The following MALRD1 variants were observed in gnomAD, a reference collection of about 807,000 sequenced individuals.
MALRD1 encodes the protein MAM and LDL-receptor class A domain-containing protein 1.
Under a neutral mutation model 242.1 loss-of-function variants are expected in MALRD1, and 247 were observed. The ratio of observed to expected loss-of-function variants is 1.02; its 90% CI spans 0.92 to 1.13. The LOEUF is 1.13. Ranked by LOEUF, MALRD1 falls within the 50% of genes most tolerant of loss-of-function variation. The pLI, the probability that MALRD1 is intolerant of heterozygous loss-of-function variation, is 0.00. For synonymous variants in MALRD1, 995 were observed against 866.6 expected, an observed-to-expected ratio of 1.15 and a Z score of -2.60; for missense variants, 2,989 against 2,533.1, an observed-to-expected ratio of 1.18 and a Z score of -3.86.
At chr10:19,526,211 C>G (rs1834093617) in intron 31 of MALRD1, among the ~76,000 whole-genome samples, 2 of 151,954 alleles carry the variant, frequency 1.3e-5, no homozygotes, top group South Asian at 4.1e-4. Flanking sequence ...TCTGAGCTTG[C>G]TAGATAAAGA....
chr10:19,675,841 A>G (rs1842116593), intron 36 of MALRD1, among the ~76,000 whole-genome samples: 1 of 152,232 alleles, frequency 6.6e-6, no homozygotes, highest in Non-Finnish European at 1.5e-5. Context: ...AGATTGATAA[A>G]GAAACTGGCA....
chr10:19,073,451 T>G lies in MALRD1; in HGVS notation c.340+6592T>G, dbSNP rs1835220682. Reference sequence around the variant, plus strand: ...TCCAAAAATCTGAAATCCAAAGTGCTCCGAAATTGGAAACTTTTTGAGGGC... The same window carrying G: ...TCCAAAAATCTGAAATCCAAAGTGCGCCGAAATTGGAAACTTTTTGAGGGC... On this transcript the variant is annotated intron_variant, in intron 2 of 39. Coordinates refer to ENST00000454679, the MANE Select transcript of MALRD1 (RefSeq NM_001142308.3). Among the ~76,000 whole-genome samples, 5 of 152,188 alleles carry G rather than the reference T, an allele frequency of 3.3e-5. No individual in the cohort carries two copies. The East Asian group carries it at 5.8e-4, about 18-fold the overall frequency.
intron 28 of MALRD1, among the ~76,000 whole-genome samples, chr10:19,391,981 C>T (rs933950746): frequency 6.6e-5 from 10 of 152,156 alleles, no homozygotes; most frequent in Non-Finnish European, 1.0e-4. Flanking sequence ...ACATGCATGA[C>T]GTTCAAGTCT....
intron 4 of MALRD1, among the ~76,000 whole-genome samples, chr10:19,100,049 C>T (rs575862000): frequency 6.6e-6 from 1 of 152,088 alleles, no homozygotes; most frequent in Non-Finnish European, 1.5e-5. Flanking sequence ...GTGTGAACCA[C>T]CATAATAATA....
In MALRD1 at chr10:19,484,315, TA is replaced by T. The variant is rs1286260523; in HGVS notation, c.5030-7198del. 9.8e-5 allele frequency among the ~76,000 whole-genome samples: 15 copies of T among 152,320 alleles called. No individual in the cohort carries two copies. The East Asian group carries it at 2.7e-3, about 27-fold the overall frequency. On this transcript the variant is annotated intron_variant, in intron 29 of 39. Transcript: ENST00000454679. Reference sequence around the variant, plus strand: ...AAAATAAGAAAAGTTTTCTAGCTACTAAAATGCATTTTAATATTTCTGTTTT... The same window carrying T: ...AAAATAAGAAAAGTTTTCTAGCTACTAAATGCATTTTAATATTTCTGTTTT...
At chr10:19,620,019 A>AATAATAATAATAATAATAAT (rs564333226) in intron 36 of MALRD1, among the ~76,000 whole-genome samples, 34 of 58,514 alleles carry the variant, frequency 5.8e-4, no homozygotes, top group South Asian at 1.7e-3. Context: ...TAATAATAAT[A>AATAATAATAATAATAATAAT]AATAATAATA....
rs35934077 is a variant in MALRD1, at chr10:19,491,622, A to T, written c.5135A>T (p.Asp1712Val). 1 of 1,549,746 alleles carries T rather than the reference A, an allele frequency of 6.5e-7. No homozygotes were observed. The highest frequency in any genetic ancestry group is 2.4e-5 in the East Asian group (1 of 40,888). Residue 1712 changes from aspartate to valine, a missense_variant, in exon 30 of 40, where the codon GAT (aspartate) becomes GTT (valine). Physicochemically the swap from Asp to Val is radical, Grantham distance 152 (BLOSUM62 -3). Coordinates refer to ENST00000454679, the MANE Select transcript of MALRD1 (RefSeq NM_001142308.3). Reference protein sequence around the residue: ...LLCDYKPDCSDRSDEAHCAHY... With the variant: ...LLCDYKPDCSVRSDEAHCAHY... ...TGTGACTATAAGCCAGACTGCTCTG[A>T]TAGGTCTGATGAAGCTCACTGTGGT...
chr10:19,068,631 T>G (rs1244706463), intron 2 of MALRD1, among the ~76,000 whole-genome samples: 1 of 152,162 alleles, frequency 6.6e-6, no homozygotes, highest in Non-Finnish European at 1.5e-5. Context: ...TACAATTGAA[T>G]GTTAACATGT....
At chr10:19,164,412 G>T (rs1384617683) in intron 12 of MALRD1, among the ~76,000 whole-genome samples, 2 of 152,070 alleles carry the variant, frequency 1.3e-5, no homozygotes, top group African/African-American at 4.8e-5. Flanking sequence ...AATGATGAAT[G>T]GGAAAACATT....
At chr10:19,333,672 A>G (rs1843485890) in intron 24 of MALRD1, among the ~76,000 whole-genome samples, 1 of 152,120 alleles carries the variant, frequency 6.6e-6, no homozygotes, top group African/African-American at 2.4e-5. Flanking sequence ...CAATAATGGA[A>G]TTGCTGGGTC....
At chr10:19,530,351 TA>T (rs1234130361) in intron 31 of MALRD1, among the ~76,000 whole-genome samples, 53 of 118,966 alleles carry the variant, frequency 4.5e-4, no homozygotes, top group African/African-American at 1.9e-3. Context: ...TATATAAATA[TA>T]TAATATTTAT....
intron 18 of MALRD1, among the ~76,000 whole-genome samples, chr10:19,255,500 A>G (rs1588790266): frequency 6.6e-6 from 1 of 152,078 alleles, no homozygotes; most frequent in East Asian, 1.9e-4. Flanking sequence ...GGGTTAAAGT[A>G]GGGTTAAACC....
chr10:19,436,173 A>G (rs1834344589), intron 28 of MALRD1, among the ~76,000 whole-genome samples: 1 of 152,154 alleles, frequency 6.6e-6, no homozygotes, highest in African/African-American at 2.4e-5. Context: ...TCCAAAGACC[A>G]CTGGTGCTTT....
At chr10:19,530,043 G>T (rs181139976) in intron 31 of MALRD1, among the ~76,000 whole-genome samples, 1 of 151,690 alleles carries the variant, frequency 6.6e-6, no homozygotes, top group Non-Finnish European at 1.5e-5. Context: ...TTAACAAACC[G>T]ATTCTAAAGA....
intron 9 of MALRD1, among the ~76,000 whole-genome samples, chr10:19,135,013 A>G (rs1406767387): frequency 6.6e-6 from 1 of 152,192 alleles, no homozygotes; most frequent in African/African-American, 2.4e-5. Flanking sequence ...TTATGGGAAA[A>G]GTATGTAGCA....
At position 19,146,497 on chromosome 10, in the gene MALRD1, C is replaced by T. The variant is rs558074878; in HGVS notation, c.1558+153C>T. Among the ~76,000 whole-genome samples, 7 of 152,292 alleles carry T rather than the reference C, an allele frequency of 4.6e-5. No individual in the cohort carries two copies. In the South Asian group the frequency reaches 1.0e-3, roughly 23 times the overall value. ...ACCTCCTGACCAAGTTAATAATTGG[C>T]GGGTAATTGAGTTCCCTGAAAGGAG... On this transcript the variant is annotated intron_variant, in intron 11 of 39. Coordinates refer to ENST00000454679, the MANE Select transcript of MALRD1 (RefSeq NM_001142308.3).
At chr10:19,641,448 G>T (rs1021169728) in intron 36 of MALRD1, among the ~76,000 whole-genome samples, 1 of 152,092 alleles carries the variant, frequency 6.6e-6, no homozygotes, top group Non-Finnish European at 1.5e-5. Context: ...CGGTTGAGAC[G>T]AGCAAAAGAC....
chr10:19,537,782 C>T (rs1310495565), intron 32 of MALRD1, among the ~76,000 whole-genome samples: 3 of 152,126 alleles, frequency 2.0e-5, no homozygotes, highest in Admixed American at 2.0e-4. Flanking sequence ...GAGGTCTCCC[C>T]CTTCATGATC....
At chr10:19,320,685 C>T (rs1842883623) in intron 21 of MALRD1, among the ~76,000 whole-genome samples, 1 of 152,160 alleles carries the variant, frequency 6.6e-6, no homozygotes, top group African/African-American at 2.4e-5. Context: ...AATTTACACT[C>T]CTACCAACAA....
Sources: allele counts gnomAD v4.1 joint callset (sites outside exome capture counted in the v4.1 genomes callset), GRCh38; gene constraint gnomAD v4.1.1; transcripts MANE v1.5; gene names NCBI Gene and HGNC (gene_info 2026-07-23, HGNC 2026-07-21).